The following PHF21A variants were observed in gnomAD, a reference collection of about 807,000 sequenced individuals.
The protein encoded by PHF21A is BHC80a.
A neutral mutation model predicts 82.5 loss-of-function variants in PHF21A; 11 were observed. That is an observed-to-expected ratio of 0.13 (90% CI 0.08 to 0.22). PHF21A has a LOEUF of 0.22. Ranked by LOEUF, PHF21A falls within the 10% of genes least tolerant of loss-of-function variation. The probability of loss-of-function intolerance (pLI) is 1.00; values close to 1 mark genes in which losing one functional copy is unlikely to be tolerated. For synonymous variants in PHF21A, 297 were observed against 302.8 expected (o/e 0.98, Z 0.20); for missense variants, 579 against 837.8 (o/e 0.69, Z 3.81).
chr11:46,032,696 TTGTC>T (rs1055482141), intron 6 of PHF21A, among the ~76,000 whole-genome samples: 4 of 152,188 alleles, frequency 2.6e-5, no homozygotes, highest in African/African-American at 9.6e-5. Flanking sequence ...GACTGCCTGT[TTGTC>T]TATCTCTTAC....
chr11:46,022,334 AGT>A (rs939193936), intron 6 of PHF21A, among the ~76,000 whole-genome samples: 3 of 152,178 alleles, frequency 2.0e-5, no homozygotes, highest in African/African-American at 7.2e-5. Context: ...TCACACCTGT[AGT>A]CCCAGTTACT....
intron 3 of PHF21A, among the ~76,000 whole-genome samples, chr11:46,086,311 G>T (rs1173209695): frequency 6.6e-6 from 1 of 152,118 alleles, no homozygotes; most frequent in Non-Finnish European, 1.5e-5. Context: ...AGTAGAGACG[G>T]GGTTTCACCG....
chr11:45,975,532 A>T (rs2093984159), intron 7 of PHF21A, among the ~76,000 whole-genome samples: 1 of 152,052 alleles, frequency 6.6e-6, no homozygotes, highest in Non-Finnish European at 1.5e-5. Context: ...AACAACCACA[A>T]ATAGAAACTT....
rs1008026447 is a variant in PHF21A, at chr11:45,933,781, A to G, written c.*187T>C. On this transcript the variant is annotated 3_prime_UTR_variant, in exon 19 of 19. Transcript: ENST00000676320. The stretch of plus-strand genomic sequence containing the variant: ...AACATGGTCCAATCTTTGCATGTAC[A>G]CACAGAATAAGAAGGATCAATTGGC... 2.2e-5 allele frequency: 11 copies of G among 493,892 alleles called. No homozygotes were observed. Among genetic ancestry groups the G allele is most frequent in the Non-Finnish European group, 3.8e-5 (11 of 287,028 alleles). 30.6% of individuals were successfully genotyped at this position (493,892 alleles called of 1,614,324 possible).
chr11:46,048,558 T>C (rs955705698), intron 6 of PHF21A, among the ~76,000 whole-genome samples: 1 of 151,916 alleles, frequency 6.6e-6, no homozygotes, highest in African/African-American at 2.4e-5. Context: ...TCACCTGAGG[T>C]CAGGAGTTTG....
intron 7 of PHF21A, 144 bp from the exon 8 acceptor site, chr11:45,971,511 CT>C: frequency 2.6e-6 from 2 of 780,222 alleles, no homozygotes; most frequent in East Asian, 5.4e-5. Flanking sequence ...AACAACATTT[CT>C]TTTGTGTACA....
intron 11 of PHF21A, among the ~76,000 whole-genome samples, chr11:45,953,213 G>A (rs973488873): frequency 3.9e-5 from 6 of 152,196 alleles, no homozygotes; most frequent in Admixed American, 1.3e-4. Context: ...AATGTAATGG[G>A]ACAGCTGGGA....
intron 6 of PHF21A, among the ~76,000 whole-genome samples, chr11:46,068,417 A>G (rs1050918765): frequency 3.3e-5 from 5 of 152,204 alleles, no homozygotes; most frequent in Admixed American, 3.3e-4. Context: ...AGCACATGAT[A>G]TAGTAGAGAG....
At chr11:46,046,860 G>A (rs1011150040) in intron 6 of PHF21A, among the ~76,000 whole-genome samples, 2 of 152,146 alleles carry the variant, frequency 1.3e-5, no homozygotes, top group African/African-American at 4.8e-5. Flanking sequence ...CATCCACACA[G>A]TAAGACACCA....
chr11:45,954,348 A>C (rs182485583), intron 10 of PHF21A, among the ~76,000 whole-genome samples: 1 of 152,298 alleles, frequency 6.6e-6, no homozygotes, highest in African/African-American at 2.4e-5. Flanking sequence ...GCTTAAGATC[A>C]GAATGATGTT....
intron 1 of PHF21A, among the ~76,000 whole-genome samples, chr11:46,108,629 T>A (rs1176538087): frequency 6.6e-6 from 1 of 150,552 alleles, no homozygotes; most frequent in Non-Finnish European, 1.5e-5. Context: ...AAAAGTAGGA[T>A]GAGAACGGAA....
chr11:45,953,411 A>C (rs763447365), intron 11 of PHF21A, 116 bp downstream of exon 11: 1 of 701,594 alleles, frequency 1.4e-6, no homozygotes, highest in East Asian at 2.7e-5. Context: ...ATAAAAGTGC[A>C]TAAGAAAATG....
chr11:45,953,511 G>A lies in PHF21A; in HGVS notation c.1095+16C>T. On this transcript the variant is annotated intron_variant, in intron 11 of 18. Coordinates refer to ENST00000676320, the MANE Select transcript of PHF21A (RefSeq NM_001352027.3). ...ACACCATAGACTGAGACCTGCCTTT[G>A]GAAACATAGGCCTACCTGAGGGTTC... 1 of 1,551,704 alleles carries A rather than the reference G, an allele frequency of 6.4e-7. No homozygotes were observed. Among genetic ancestry groups the A allele is most frequent in the Non-Finnish European group, 8.9e-7 (1 of 1,123,312 alleles).
At chr11:46,030,979 G>A (rs1383360791) in intron 6 of PHF21A, among the ~76,000 whole-genome samples, 1 of 151,976 alleles carries the variant, frequency 6.6e-6, no homozygotes, top group Admixed American at 6.6e-5. Flanking sequence ...ATAAATAAAT[G>A]TCCTAAAATG....
chr11:46,018,730 AG>A (rs1056088465), intron 6 of PHF21A, among the ~76,000 whole-genome samples: 27 of 152,294 alleles, frequency 1.8e-4, no homozygotes, highest in Admixed American at 1.5e-3. Flanking sequence ...TTTAAATTCA[AG>A]AAAACAGAGA....
chr11:45,958,840 C>G (rs981850116), intron 10 of PHF21A, among the ~76,000 whole-genome samples: 1 of 152,030 alleles, frequency 6.6e-6, no homozygotes, highest in Non-Finnish European at 1.5e-5. Context: ...ATCACTTGAG[C>G]CTGGGAGGTT....
At chr11:46,065,284 G>C (rs1240344404) in intron 6 of PHF21A, among the ~76,000 whole-genome samples, 1 of 152,178 alleles carries the variant, frequency 6.6e-6, no homozygotes, top group Non-Finnish European at 1.5e-5. Context: ...AAAGTCTGTT[G>C]AAAGGCTTCT....
intron 2 of PHF21A, 29 bp downstream of exon 2, chr11:46,092,154 C>A (rs889701827): frequency 6.6e-6 from 1 of 151,556 alleles, no homozygotes; most frequent in Non-Finnish European, 1.5e-5. Context: ...GGATCAGGCA[C>A]ACGATGTCTA....
intron 6 of PHF21A, among the ~76,000 whole-genome samples, chr11:46,050,986 C>T (rs11038752): frequency 0.14 from 21,093 of 152,012 alleles, 1,645 homozygotes; most frequent in Non-Finnish European, 0.17. Flanking sequence ...TAGCAGTCTC[C>T]GAGTTCTCTG....
Sources: gnomAD v4.1 joint callset for allele counts (sites outside exome capture counted in the v4.1 genomes callset) on GRCh38, gnomAD v4.1.1 for gene constraint, MANE v1.5 for transcripts, NCBI Gene and HGNC (gene_info 2026-07-23, HGNC 2026-07-21) for gene names.